The following RNF126 variants were observed in gnomAD, a reference collection of about 807,000 sequenced individuals.
RNF126 encodes the protein E3 ubiquitin-protein ligase RNF126.
Under a neutral mutation model 41.9 loss-of-function variants are expected in RNF126, and 20 were observed. That is an observed-to-expected ratio of 0.48 (90% CI 0.34 to 0.69). The LOEUF (loss-of-function observed/expected upper bound fraction) is 0.69. Among genes scored for constraint, RNF126 ranks in the 30% least tolerant of loss-of-function variants. The pLI is 0.01. For missense variants in RNF126, 433 were observed against 460.6 expected (o/e 0.94, Z 0.55); for synonymous variants, 239 against 202.9 (o/e 1.18, Z -1.51).
intron 4 of RNF126, chr19:651,326 A>G (rs987322192): frequency 5.5e-5 from 16 of 289,686 alleles, no homozygotes; most frequent in African/African-American, 2.2e-4. Flanking sequence ...AGGCCTGGAC[A>G]GCGTTTGACG....
chr19:651,716 T>C lies in RNF126; in HGVS notation c.338A>G (p.Glu113Gly). 6.2e-7 allele frequency: 1 copy of C among 1,609,794 alleles called. No individual in the cohort carries two copies. The highest frequency in any genetic ancestry group is 8.5e-7 in the Non-Finnish European group (1 of 1,178,670). ...DDGRDPESRR[E>G]RDHPSRHRYG... ...CCGGTGCCGGGACGGATGGTCTCTCTCCCGCCGGCTCTCAGGGTCCCTGCC... is the reference window on the plus strand; with the variant it reads ...CCGGTGCCGGGACGGATGGTCTCTCCCCCGCCGGCTCTCAGGGTCCCTGCC... Residue 113 changes from glutamate (E) to glycine (G), a missense_variant, in exon 4 of 9, where the codon GAG (glutamate) becomes GGG (glycine). Transcript: ENST00000292363.
chr19:656,696 A>C (rs1231406637), intron 1 of RNF126, among the ~76,000 whole-genome samples: 1 of 152,156 alleles, frequency 6.6e-6, no homozygotes, highest in Non-Finnish European at 1.5e-5. Context: ...GCCAACGACC[A>C]CCACTGTGGC....
At chr19:649,574 T>C in intron 6 of RNF126, 105 bp downstream of exon 6, 1 of 914,230 alleles carries the variant, frequency 1.1e-6, no homozygotes, top group South Asian at 1.5e-5. Flanking sequence ...CCGCATCCCC[T>C]TTGACCTTTG....
intron 1 of RNF126, among the ~76,000 whole-genome samples, chr19:656,235 A>G (rs2030558405): frequency 6.6e-6 from 1 of 152,122 alleles, no homozygotes; most frequent in South Asian, 2.1e-4. Context: ...CTGTGGTCCC[A>G]GCTGCTAGGG....
intron 2 of RNF126, chr19:652,572 A>G: frequency 1.7e-6 from 1 of 605,294 alleles, no homozygotes; most frequent in Non-Finnish European, 2.9e-6. Flanking sequence ...GGCCTGGGTC[A>G]CCAGATTAGC....
intron 1 of RNF126, among the ~76,000 whole-genome samples, chr19:658,448 C>A (rs1431204681): frequency 6.6e-6 from 1 of 152,090 alleles, no homozygotes; most frequent in Non-Finnish European, 1.5e-5. Flanking sequence ...ATCAGGAGAC[C>A]CCAGGGAGAG....
chr19:648,354 G>A lies in RNF126; in HGVS notation c.786+18C>T. On this transcript the variant is annotated intron_variant, in intron 8 of 8. Transcript: ENST00000292363. ...GGGCCGCGGTCGGGGTGGGGGGGCGGGTGGGCGGGGCACTCACCTGCTCCA... is the reference window on the plus strand; with the variant it reads ...GGGCCGCGGTCGGGGTGGGGGGGCGAGTGGGCGGGGCACTCACCTGCTCCA... The A allele has an allele frequency of 1.2e-6, 1 of 858,822 alleles. No homozygotes were observed. The highest frequency in any genetic ancestry group is 1.7e-6 in the Non-Finnish European group (1 of 583,056). The allele number at this position is 858,822 out of a possible 1,614,324, so 53.2% of individuals were successfully genotyped here.
chr19:651,395 ACT>A, intron 4 of RNF126: 2 of 429,616 alleles, frequency 4.7e-6, no homozygotes, highest in Non-Finnish European at 8.0e-6. Context: ...ACGGTGCCCC[ACT>A]CTGTGGTCAA....
intron 1 of RNF126, among the ~76,000 whole-genome samples, chr19:656,880 G>A (rs987490683): frequency 2.0e-5 from 3 of 152,172 alleles, no homozygotes; most frequent in African/African-American, 4.8e-5. Flanking sequence ...CGGGTCTATC[G>A]GGGCTCCTCT....
chr19:650,204 G>A, intron 5 of RNF126, 30 bp downstream of exon 5: 2 of 1,552,598 alleles, frequency 1.3e-6, no homozygotes, highest in South Asian at 1.2e-5. Context: ...CCCAGGCTGG[G>A]GATGGGGACA....
intron 1 of RNF126, among the ~76,000 whole-genome samples, chr19:658,685 A>T (rs1568194696): frequency 6.6e-6 from 1 of 152,254 alleles, no homozygotes; most frequent in East Asian, 1.9e-4. Context: ...CTCCCAAGAC[A>T]AGCTGGATGG....
At chr19:653,046 G>A (rs1160326862) in intron 1 of RNF126, among the ~76,000 whole-genome samples, 162 bp from the exon 2 acceptor site, 1 of 152,150 alleles carries the variant, frequency 6.6e-6, no homozygotes, top group Non-Finnish European at 1.5e-5. Context: ...GGGCGGCCGA[G>A]GGGACCTGGC....
chr19:651,959 G>A, intron 3 of RNF126, 104 bp from the exon 4 acceptor site: 2 of 1,092,160 alleles, frequency 1.8e-6, no homozygotes, highest in African/African-American at 3.2e-5. Context: ...GGCCCTGCTG[G>A]GTGCCGGGTG....
rs10418071 is a variant in RNF126, at chr19:648,823, G to A, written c.670+59C>T. The stretch of plus-strand genomic sequence containing the variant: ...GTCTCTACTGAAAATACAAGTATGA[G>A]CCAGGCGTGGCGGCGGGTGCCTGTA... On this transcript the variant is annotated intron_variant, in intron 7 of 8. Coordinates refer to ENST00000292363, the MANE Select transcript of RNF126 (RefSeq NM_194460.3). 0.01 allele frequency: 10,472 copies of A among 1,025,694 alleles called. 675 individuals carry two copies. The African/African-American group carries it at 0.14, about 14-fold the overall frequency. 63.5% of individuals were successfully genotyped at this position (1,025,694 alleles called of 1,614,324 possible).
rs559544487 is a variant in RNF126 at position 652,990 on chromosome 19, C to T, written c.76-106G>A. On this transcript the variant is annotated intron_variant, in intron 1 of 8. Transcript: ENST00000292363. ...TCCGGACCCAGCGGTCTCTGGCTGG[C>T]CAGGCACACGCAGGCCAGGGTGGCT... 1.4e-5 allele frequency: 15 copies of T among 1,100,232 alleles called. No homozygotes were observed. In the South Asian group the frequency reaches 2.0e-4, roughly 15 times the overall value. The allele number at this position is 1,100,232 out of a possible 1,614,324, so 68.2% of individuals were successfully genotyped here.
At chr19:655,944 G>A (rs1190291249) in intron 1 of RNF126, among the ~76,000 whole-genome samples, 4 of 152,048 alleles carry the variant, frequency 2.6e-5, no homozygotes, top group Non-Finnish European at 5.9e-5. Flanking sequence ...AGACACAGAA[G>A]ACCACGCAGC....
In RNF126 at chr19:659,642, T is replaced by G. The variant is rs894909925; in HGVS notation, c.75+3405A>C. Among the ~76,000 whole-genome samples, 8 of 151,950 alleles carry G rather than the reference T, an allele frequency of 5.3e-5. No homozygotes were observed. The highest frequency in any genetic ancestry group is 1.9e-4 in the African/African-American group (8 of 41,364). The stretch of plus-strand genomic sequence containing the variant: ...TCAGTGCCTCCTCAGCAGGCTCGAG[T>G]CTGGGTCTGCGCAGCCGCCTGTGGC... On this transcript the variant is annotated intron_variant, in intron 1 of 8. Coordinates refer to ENST00000292363, the MANE Select transcript of RNF126 (RefSeq NM_194460.3). This position sits in a 1 kb window ranked among gnomAD's most constrained non-coding sequence, Gnocchi z 4.9.
chr19:659,025 G>A lies in RNF126; in HGVS notation c.75+4022C>T, dbSNP rs1215634841. ...GGTTCCCGGGGTATTGCTGGTGCCCGATCACAACGCCAGGCTCCATGTTCA... is the reference window on the plus strand; with the variant it reads ...GGTTCCCGGGGTATTGCTGGTGCCCAATCACAACGCCAGGCTCCATGTTCA... On this transcript the variant is annotated intron_variant, in intron 1 of 8. Coordinates refer to ENST00000292363, the MANE Select transcript of RNF126 (RefSeq NM_194460.3). The surrounding 1 kb of genome is among the most constrained non-coding windows in gnomAD (Gnocchi z 4.9). Among the ~76,000 whole-genome samples, 1 of 152,186 alleles carries A rather than the reference G, an allele frequency of 6.6e-6. No homozygotes were observed. The highest frequency in any genetic ancestry group is 1.5e-5 in the Non-Finnish European group (1 of 68,030).
intron 1 of RNF126, among the ~76,000 whole-genome samples, chr19:662,700 A>G (rs2030860859): frequency 6.6e-6 from 1 of 151,808 alleles, no homozygotes; most frequent in Admixed American, 6.5e-5. Flanking sequence ...CCGTTTGCAA[A>G]ACCAGGCTCA....
Sources: allele counts gnomAD v4.1 joint callset (sites outside exome capture counted in the v4.1 genomes callset), GRCh38; gene constraint gnomAD v4.1.1; non-coding constraint Gnocchi (gnomAD v3.1); transcripts MANE v1.5; gene names NCBI Gene and HGNC (gene_info 2026-07-23, HGNC 2026-07-21).